Variants in OR6C1 observed in about 807,000 individuals in gnomAD.
OR6C1 encodes olfactory receptor 6C1.
For synonymous variants in OR6C1, 157 were observed against 133.3 expected (o/e 1.18, Z -1.22); for missense variants, 386 against 366.1 (o/e 1.05, Z -0.44).
At chr12:55,320,517 T>C in intron 1 of OR6C1, 50 bp from the exon 2 acceptor site, 1 of 819,482 alleles carries the variant, frequency 1.2e-6, no homozygotes. Flanking sequence ...TACTTGGATA[T>C]TTGTTAATTG....
At chr12:55,320,332 T>C (rs543828059) in intron 1 of OR6C1, among the ~76,000 whole-genome samples, 1 of 152,202 alleles carries the variant, frequency 6.6e-6, no homozygotes, top group Non-Finnish European at 1.5e-5. Context: ...TGGTTTCAAA[T>C]TCCTGCCCTA....
Position 55,321,709 on chromosome 12 carries a change from G to C in OR6C1, c.*171G>C. 1 of 433,100 alleles carries C rather than the reference G, an allele frequency of 2.3e-6. No homozygotes were observed. Among genetic ancestry groups the C allele is most frequent in the Non-Finnish European group, 4.0e-6 (1 of 249,560 alleles). The allele number at this position is 433,100 out of a possible 1,614,324, so 26.8% of individuals were successfully genotyped here. ...TCATTTGACTTAAAATAATTTTCTTGTGTCTTCCTGACACCCCCTCCTTTG... is the reference window on the plus strand; with the variant it reads ...TCATTTGACTTAAAATAATTTTCTTCTGTCTTCCTGACACCCCCTCCTTTG... On this transcript the variant is annotated 3_prime_UTR_variant, in exon 2 of 2. Transcript: ENST00000642104.
intron 1 of OR6C1, among the ~76,000 whole-genome samples, chr12:55,318,923 G>T (rs1592262207): frequency 6.6e-6 from 1 of 151,614 alleles, no homozygotes; most frequent in Non-Finnish European, 1.5e-5. Flanking sequence ...AATATCATCT[G>T]AACTTTATTT....
chr12:55,316,391 C>T (rs1313394284), intron 1 of OR6C1, among the ~76,000 whole-genome samples: 1 of 151,688 alleles, frequency 6.6e-6, no homozygotes, highest in East Asian at 1.9e-4. Context: ...TTAAATATCA[C>T]CCTTAATTTT....
intron 1 of OR6C1, among the ~76,000 whole-genome samples, chr12:55,315,474 T>A (rs763136357): frequency 1.3e-4 from 19 of 151,708 alleles, no homozygotes; most frequent in Admixed American, 4.0e-4. Context: ...TTTACAGAAA[T>A]GAGTGTTACT....
intron 1 of OR6C1, among the ~76,000 whole-genome samples, chr12:55,316,538 T>A (rs1868413713): frequency 6.6e-6 from 1 of 151,864 alleles, no homozygotes; most frequent in African/African-American, 2.4e-5. Flanking sequence ...CATTCAGATA[T>A]AAAAATCCAA....
chr12:55,317,592 A>G (rs1868431202), intron 1 of OR6C1, among the ~76,000 whole-genome samples: 1 of 152,020 alleles, frequency 6.6e-6, no homozygotes, highest in African/African-American at 2.4e-5. Flanking sequence ...GTGTGATTCA[A>G]TAACAAACTC....
intron 1 of OR6C1, among the ~76,000 whole-genome samples, chr12:55,317,289 G>A (rs911784034): frequency 1.3e-5 from 2 of 151,906 alleles, no homozygotes; most frequent in African/African-American, 2.4e-5. Flanking sequence ...TGATGTTGCT[G>A]GAGCTGGAGT....
intron 1 of OR6C1, among the ~76,000 whole-genome samples, chr12:55,316,220 T>C (rs1356171060): frequency 6.6e-6 from 1 of 151,458 alleles, no homozygotes; most frequent in Non-Finnish European, 1.5e-5. Flanking sequence ...TGATTTAGTC[T>C]CTAACAGTCC....
In OR6C1 at chr12:55,321,739, A is replaced by G. The variant is rs1351288305; in HGVS notation, c.*201A>G. The G allele has an allele frequency of 2.5e-6, 1 of 404,164 alleles. No homozygotes were observed. Among genetic ancestry groups the G allele is most frequent in the Non-Finnish European group, 4.4e-6 (1 of 229,118 alleles). The allele number at this position is 404,164 out of a possible 1,614,324, so 25.0% of individuals were successfully genotyped here. A position where few individuals can be genotyped will look rare whatever the true frequency, so the allele number is the denominator to read the frequency against. ...TTCCTGACACCCCCTCCTTTGAACA[A>G]TTTTTTGTAAAATTACAAGCTCTTC... is the stretch of plus-strand genomic sequence containing the variant. On this transcript the variant is annotated 3_prime_UTR_variant, in exon 2 of 2. Coordinates refer to ENST00000642104, the MANE Select transcript of OR6C1 (RefSeq NM_001005182.2).
In OR6C1 at chr12:55,320,957, C is replaced by T. The variant is rs143845104; in HGVS notation, c.358C>T (p.Arg120Cys). The stretch of plus-strand genomic sequence containing the variant: ...CCTTCTGGCTGCCATGTCCTATGAC[C>T]GCTATGTGGCCATCTGCAAGCCTCT... The part of the protein sequence containing the change: ...FYLLAAMSYD[R>C]YVAICKPLHC... The change falls in exon 2 of 2, where the codon CGC (arginine) becomes TGC (cysteine). Residue 120 changes from arginine to cysteine, a missense_variant. Transcript: ENST00000642104. 2.7e-5 allele frequency: 44 copies of T among 1,613,682 alleles called. No homozygotes were observed. Among genetic ancestry groups the T allele is most frequent in the Admixed American group, 2.2e-4 (13 of 59,970 alleles).
At position 55,322,227 on chromosome 12, in the gene OR6C1, A is replaced by G. The variant is rs1225796173; in HGVS notation, c.*689A>G. 1 of 152,054 alleles carries G rather than the reference A, an allele frequency of 6.6e-6. No individual in the cohort carries two copies. Among genetic ancestry groups the G allele is most frequent in the Non-Finnish European group, 1.5e-5 (1 of 67,934 alleles). The allele number at this position is 152,054 out of a possible 1,614,324, so 9.4% of individuals were successfully genotyped here. On this transcript the variant is annotated 3_prime_UTR_variant, in exon 2 of 2. Transcript: ENST00000642104. Reference sequence around the variant, plus strand: ...AAGTTTTGTCAAACATAGAGAATATATAGTATATTCCTAAGATATGTTAAT... The same window carrying G: ...AAGTTTTGTCAAACATAGAGAATATGTAGTATATTCCTAAGATATGTTAAT...
rs945432077 is a variant in OR6C1, at chr12:55,320,609, C to T, written c.10C>T (p.His4Tyr). The change falls in exon 2 of 2, where the codon CAT becomes TAT. Residue 4 changes from histidine to tyrosine, a missense_variant. Coordinates refer to ENST00000642104, the MANE Select transcript of OR6C1 (RefSeq NM_001005182.2). MRN[H>Y]TEITEFILLG... is the part of the protein sequence containing the mutation. ...AGAAAGCAACTGAAGAATGAGAAAC[C>T]ATACAGAAATAACAGAGTTTATTCT... 6.4e-7 allele frequency: 1 copy of T among 1,571,274 alleles called. No individual in the cohort carries two copies. The highest frequency in any genetic ancestry group is 1.8e-5 in the Admixed American group (1 of 54,720).
Position 55,321,444 on chromosome 12 carries a change from T to C in OR6C1, c.845T>C (p.Met282Thr), listed in dbSNP as rs775690681. Residue 282 changes from methionine to threonine, a missense_variant, in exon 2 of 2, where the codon ATG (methionine) becomes ACG (threonine). Transcript: ENST00000642104. ...VAILNTSVAP[M>T]MNPFIYSLRN... ...ATACTAAACACCTCAGTAGCCCCCATGATGAACCCCTTTATTTACAGCCTA... is the reference window on the plus strand; with the variant it reads ...ATACTAAACACCTCAGTAGCCCCCACGATGAACCCCTTTATTTACAGCCTA... 1 of 1,613,906 alleles carries C rather than the reference T, an allele frequency of 6.2e-7. No homozygotes were observed. Among genetic ancestry groups the C allele is most frequent in the Admixed American group, 1.7e-5 (1 of 59,996 alleles).
In OR6C1 at chr12:55,320,927, T is replaced by A. The variant is rs781122681; in HGVS notation, c.328T>A (p.Phe110Ile). The A allele has an allele frequency of 2.0e-5, 33 of 1,613,898 alleles. 1 individual carries two copies. The South Asian group carries it at 3.6e-4, about 18-fold the overall frequency. Residue 110 changes from phenylalanine (F) to isoleucine (I), a missense_variant, in exon 2 of 2, where the codon TTT becomes ATT. Transcript: ENST00000642104. The part of the protein sequence containing the change: ...FFFILLGVTE[F>I]YLLAAMSYDR... ...CTTCATTCTCTTGGGAGTCACAGAG[T>A]TTTACCTTCTGGCTGCCATGTCCTA...
At chr12:55,316,096 TACACACACAC>T (rs35664107) in intron 1 of OR6C1, among the ~76,000 whole-genome samples, 1 of 140,906 alleles carries the variant, frequency 7.1e-6, no homozygotes, top group Non-Finnish European at 1.5e-5. Context: ...AAAAAGTACA[TACACACACAC>T]ACACACACAC....
rs182681340 is a variant in OR6C1 at position 55,321,542 on chromosome 12, G to T, written c.*4G>T. The stretch of plus-strand genomic sequence containing the variant: ...TGTATTTTTCACAAGCACATGAAAT[G>T]GTATGGTGTGATGAATTAGAGGCAC... On this transcript the variant is annotated 3_prime_UTR_variant, in exon 2 of 2. Coordinates refer to ENST00000642104, the MANE Select transcript of OR6C1 (RefSeq NM_001005182.2). The T allele has an allele frequency of 6.3e-7, 1 of 1,589,702 alleles. No individual in the cohort carries two copies. Among genetic ancestry groups the T allele is most frequent in the South Asian group, 1.1e-5 (1 of 87,972 alleles).
chr12:55,318,464 T>C (rs1375290197), intron 1 of OR6C1, among the ~76,000 whole-genome samples: 2 of 151,880 alleles, frequency 1.3e-5, no homozygotes, highest in African/African-American at 4.8e-5. Context: ...TACTATTTAT[T>C]TAAGTCATAA....
chr12:55,320,906 ATT>A lies in OR6C1; in HGVS notation c.308_309del (p.Ile103ThrfsTer16). On this transcript the variant is annotated frameshift_variant, in exon 2 of 2. Transcript: ENST00000642104. LOFTEE classifies it low-confidence loss of function (END_TRUNC). ...TTGCATAGTTCAGTTATTTTTCTTC[ATT>A]CTCTTGGGAGTCACAGAGTTTTACC... ...NNCIVQLFFF[I>X]LLGVTEFYLL... 1.2e-6 allele frequency: 2 copies of A among 1,613,964 alleles called. No homozygotes were observed. Among genetic ancestry groups the A allele is most frequent in the Non-Finnish European group, 1.7e-6 (2 of 1,179,934 alleles).
Sources: gnomAD v4.1 joint callset for allele counts (sites outside exome capture counted in the v4.1 genomes callset) on GRCh38, gnomAD v4.1.1 for gene constraint, MANE v1.5 for transcripts, NCBI Gene and HGNC (gene_info 2026-07-23, HGNC 2026-07-21) for gene names.